VWC2L: variants seen among roughly 807,000 people sequenced by gnomAD.
VWC2L encodes von Willebrand factor C domain-containing protein 2-like.
A neutral mutation model predicts 21.6 loss-of-function variants in VWC2L; 10 were observed. That is an observed-to-expected ratio of 0.46 (90% CI 0.29 to 0.78). VWC2L has a LOEUF of 0.78. Among genes scored for constraint, VWC2L ranks in the 30% least tolerant of loss-of-function variants. The probability of loss-of-function intolerance (pLI) is 0.10; values close to 1 mark genes in which losing one functional copy is unlikely to be tolerated. For missense variants in VWC2L, 209 were observed against 277.1 expected, an observed-to-expected ratio of 0.75 and a Z score of 1.74; for synonymous variants, 96 against 94.3, an observed-to-expected ratio of 1.02 and a Z score of -0.10.
intron 3 of VWC2L, among the ~76,000 whole-genome samples, chr2:214,553,763 A>G (rs1689832497): frequency 6.6e-6 from 1 of 152,180 alleles, no homozygotes; most frequent in South Asian, 2.1e-4. Flanking sequence ...TTCCCATCAC[A>G]GCCTGAACTA....
chr2:214,515,804 C>T (rs971404875), intron 3 of VWC2L, among the ~76,000 whole-genome samples: 4 of 152,156 alleles, frequency 2.6e-5, no homozygotes, highest in Non-Finnish European at 4.4e-5. Flanking sequence ...ATCCACCCAT[C>T]TCGGCCTCCC....
intron 3 of VWC2L, among the ~76,000 whole-genome samples, chr2:214,493,328 G>A (rs1001041996): frequency 1.3e-5 from 2 of 152,140 alleles, no homozygotes; most frequent in Non-Finnish European, 2.9e-5. Context: ...CCATCTTTGT[G>A]CAAGTGACAA....
chr2:214,512,657 A>G (rs1236264511), intron 3 of VWC2L, among the ~76,000 whole-genome samples: 1 of 152,150 alleles, frequency 6.6e-6, no homozygotes, highest in African/African-American at 2.4e-5. Flanking sequence ...GTTACAAACC[A>G]ATGACCAAAT....
intron 3 of VWC2L, among the ~76,000 whole-genome samples, chr2:214,573,838 A>G (rs1430319200): frequency 6.6e-6 from 1 of 152,184 alleles, no homozygotes; most frequent in Non-Finnish European, 1.5e-5. Flanking sequence ...CCAGTGGCTT[A>G]GAATCATAGA....
chr2:214,496,420 T>C (rs1688814212), intron 3 of VWC2L, among the ~76,000 whole-genome samples: 1 of 152,160 alleles, frequency 6.6e-6, no homozygotes, highest in African/African-American at 2.4e-5. Flanking sequence ...CCTTGACATC[T>C]GTGTGCTGCA....
chr2:214,550,713 T>C (rs1307972400), intron 3 of VWC2L, among the ~76,000 whole-genome samples: 1 of 152,210 alleles, frequency 6.6e-6, no homozygotes, highest in Non-Finnish European at 1.5e-5. Context: ...TTTCAGACTC[T>C]TGTCTCTTGC....
intron 3 of VWC2L, among the ~76,000 whole-genome samples, chr2:214,513,099 C>T (rs932115436): frequency 3.3e-5 from 5 of 152,230 alleles, no homozygotes; most frequent in Admixed American, 6.5e-5. Flanking sequence ...AAAAGATTAT[C>T]GCACAGCTAC....
intron 3 of VWC2L, among the ~76,000 whole-genome samples, chr2:214,498,087 G>T (rs1688836449): frequency 6.6e-6 from 1 of 152,138 alleles, no homozygotes; most frequent in Admixed American, 6.5e-5. Context: ...CCCAGGGCAT[G>T]AAAATCCAAC....
At position 214,567,577 on chromosome 2, in the gene VWC2L, C is replaced by CAGAG. The variant is rs1197923993; in HGVS notation, c.521-8094_521-8093insGAGA. ...ACACACACACACACACACACACACA[C>CAGAG]ACACACACACACACACACAGAGAGA... is the stretch of plus-strand genomic sequence containing the variant. On this transcript the variant is annotated intron_variant, in intron 3 of 3. Coordinates refer to ENST00000312504, the MANE Select transcript of VWC2L (RefSeq NM_001080500.4). 2.0e-4 allele frequency among the ~76,000 whole-genome samples: 15 copies of CAGAG among 73,698 alleles called. 1 individual carries two copies. Among genetic ancestry groups the CAGAG allele is most frequent in the African/African-American group, 5.6e-4 (15 of 26,816 alleles). 48.3% of individuals were successfully genotyped at this position (73,698 alleles called of 152,430 possible).
At chr2:214,483,902 C>T (rs1165522337) in intron 3 of VWC2L, among the ~76,000 whole-genome samples, 1 of 152,120 alleles carries the variant, frequency 6.6e-6, no homozygotes, top group Non-Finnish European at 1.5e-5. Flanking sequence ...AACCACAGAA[C>T]ATTTATTCTC....
At chr2:214,550,273 G>GTGGTTAATTTTGTAA (rs1689772752) in intron 3 of VWC2L, among the ~76,000 whole-genome samples, 2 of 152,136 alleles carry the variant, frequency 1.3e-5, no homozygotes, top group Non-Finnish European at 2.9e-5. Context: ...CCATACAACA[G>GTGGTTAATTTTGTAA]ACTCGGCCAT....
chr2:214,510,666 G>C (rs1689038395), intron 3 of VWC2L, among the ~76,000 whole-genome samples: 1 of 152,138 alleles, frequency 6.6e-6, no homozygotes, highest in Admixed American at 6.5e-5. Context: ...ATAAAGCCTA[G>C]TGACTCCTCC....
chr2:214,513,298 T>C (rs900965720), intron 3 of VWC2L, among the ~76,000 whole-genome samples: 11 of 152,054 alleles, frequency 7.2e-5, no homozygotes, highest in African/African-American at 2.7e-4. Flanking sequence ...TTCAATCAAT[T>C]GGCCCTCCCA....
At chr2:214,504,970 C>T (rs1029826403) in intron 3 of VWC2L, among the ~76,000 whole-genome samples, 2 of 152,130 alleles carry the variant, frequency 1.3e-5, no homozygotes, top group African/African-American at 4.8e-5. Flanking sequence ...ATTTGACTGG[C>T]CTGAACACTT....
intron 3 of VWC2L, among the ~76,000 whole-genome samples, chr2:214,560,562 T>C (rs1266006493): frequency 6.6e-6 from 1 of 152,240 alleles, no homozygotes; most frequent in African/African-American, 2.4e-5. Context: ...TCAAAGATGA[T>C]ACTAAATTAA....
chr2:214,559,385 C>G (rs1247449023), intron 3 of VWC2L, among the ~76,000 whole-genome samples: 1 of 151,946 alleles, frequency 6.6e-6, no homozygotes, highest in African/African-American at 2.4e-5. Flanking sequence ...TTTTGGCCCC[C>G]TCCCACTGAC....
intron 2 of VWC2L, among the ~76,000 whole-genome samples, chr2:214,420,992 G>A (rs928536510): frequency 6.6e-6 from 1 of 152,336 alleles, no homozygotes; most frequent in Admixed American, 6.5e-5. Context: ...GAATGAGTGG[G>A]TTCAAAGTGG....
intron 2 of VWC2L, among the ~76,000 whole-genome samples, chr2:214,418,426 T>G (rs1042723940): frequency 1.3e-5 from 2 of 152,146 alleles, no homozygotes; most frequent in Non-Finnish European, 2.9e-5. Context: ...GCAGCTTGAC[T>G]GCAGAATCTA....
chr2:214,562,448 G>A (rs901879120), intron 3 of VWC2L, among the ~76,000 whole-genome samples: 7 of 152,152 alleles, frequency 4.6e-5, no homozygotes, highest in Non-Finnish European at 1.0e-4. Context: ...GTGCTGCAAT[G>A]AACATACGCA....
Sources: gnomAD v4.1 joint callset for allele counts (sites outside exome capture counted in the v4.1 genomes callset) on GRCh38, gnomAD v4.1.1 for gene constraint, MANE v1.5 for transcripts, NCBI Gene and HGNC (gene_info 2026-07-23, HGNC 2026-07-21) for gene names.